Variants in PKD1L3 observed in about 807,000 individuals in gnomAD.
PKD1L3 encodes polycystin 1 like 3, transient receptor potential channel interacting.
Under a neutral mutation model 184.1 loss-of-function variants are expected in PKD1L3, and 239 were observed. The ratio of observed to expected loss-of-function variants is 1.30; its 90% confidence interval spans 1.17 to 1.45. PKD1L3 has a LOEUF of 1.45. Ranked by LOEUF, PKD1L3 falls within the 40% of genes most tolerant of loss-of-function variation. PKD1L3 has a pLI of 0.00. For missense variants in PKD1L3, 2,660 were observed against 2,067.2 expected (o/e 1.29, Z -5.56); for synonymous variants, 996 against 778.8 (o/e 1.28, Z -4.64).
Position 71,944,038 on chromosome 16 carries a change from T to C in PKD1L3, c.3851A>G (p.Asp1284Gly). Residue 1284 changes from aspartate to glycine, a missense_variant, in exon 23 of 30, where the codon GAT becomes GGT. Physicochemically the swap from Asp to Gly is moderately conservative, Grantham distance 94. Transcript: ENST00000620267. ...KKKKLFKLTG[D>G]ILVQILFLTL... is the part of the protein sequence containing the mutation. ...CCATTTCCTCTCCATACCCAAAATA[T>C]CTCCAGTCAGCTTGAAGAGTTTCTT... The C allele has an allele frequency of 6.4e-7, 1 of 1,551,420 alleles. No homozygotes were observed. Among genetic ancestry groups the C allele is most frequent in the Non-Finnish European group, 8.7e-7 (1 of 1,146,940 alleles).
intron 15 of PKD1L3, among the ~76,000 whole-genome samples, chr16:71,965,969 C>CT (rs1314868612): frequency 6.6e-6 from 1 of 151,934 alleles, no homozygotes; most frequent in Non-Finnish European, 1.5e-5. Context: ...ACATTATTCA[C>CT]TTTTTTAAAT....
At chr16:71,950,734 TCTC>T (rs1422258916) in intron 19 of PKD1L3, among the ~76,000 whole-genome samples, 1 of 75,174 alleles carries the variant, frequency 1.3e-5, no homozygotes, top group Non-Finnish European at 2.4e-5. Flanking sequence ...TTTGTATTTC[TCTC>T]TTTTTTTTTT....
chr16:71,988,016 C>T (rs895720120), intron 4 of PKD1L3, among the ~76,000 whole-genome samples: 1 of 152,002 alleles, frequency 6.6e-6, no homozygotes, highest in African/African-American at 2.4e-5. Flanking sequence ...GAAGGGAATG[C>T]AGATGTTATT....
In PKD1L3 at chr16:71,999,806, A is replaced by G; in HGVS notation, c.173T>C (p.Leu58Pro). 15 of 1,551,760 alleles carry G rather than the reference A, an allele frequency of 9.7e-6. No homozygotes were observed. Among genetic ancestry groups the G allele is most frequent in the Non-Finnish European group, 1.3e-5 (15 of 1,146,998 alleles). ...QHYCHVQRGF[L>P]AHIWNKEVQD... ...AACTTCCTTGTTCCAAATATGAGCT[A>G]GGAATCCTCTCTGCACATGACAGTA... Residue 58 changes from leucine to proline, a missense_variant, in exon 1 of 30, where the codon CTA becomes CCA. Coordinates refer to ENST00000620267, the MANE Select transcript of PKD1L3 (RefSeq NM_181536.2).
chr16:71,992,482 C>T (rs538496091), intron 3 of PKD1L3, among the ~76,000 whole-genome samples: 382 of 152,314 alleles, frequency 2.5e-3, no homozygotes, highest in African/African-American at 8.8e-3. Context: ...GTGTCTTTAA[C>T]ATCATTGCAT....
intron 5 of PKD1L3, among the ~76,000 whole-genome samples, chr16:71,985,457 C>A (rs2143790730): frequency 6.6e-6 from 1 of 152,222 alleles, no homozygotes; most frequent in East Asian, 1.9e-4. Context: ...TGTTCTGTTG[C>A]CCAGCCTACA....
chr16:71,968,062 T>C, intron 13 of PKD1L3, 55 bp from the exon 14 acceptor site: 1 of 1,406,392 alleles, frequency 7.1e-7, no homozygotes, highest in South Asian at 1.3e-5. Flanking sequence ...GTATAGTTCC[T>C]GCCTCCTCCA....
chr16:71,959,522 C>T (rs1036121266), intron 16 of PKD1L3, among the ~76,000 whole-genome samples: 5 of 152,122 alleles, frequency 3.3e-5, no homozygotes, highest in African/African-American at 1.2e-4. Context: ...AAAGGAAAAA[C>T]CTTTTTTGTG....
intron 24 of PKD1L3, among the ~76,000 whole-genome samples, chr16:71,938,202 C>T (rs1033399926): frequency 2.6e-5 from 4 of 152,268 alleles, no homozygotes; most frequent in Non-Finnish European, 5.9e-5. Context: ...TCTCCCCACT[C>T]CCAGCACCTG....
At chr16:71,943,551 A>C (rs1033790604) in intron 23 of PKD1L3, among the ~76,000 whole-genome samples, 26 of 151,782 alleles carry the variant, frequency 1.7e-4, no homozygotes, top group Middle Eastern at 3.4e-3. Context: ...AAAAAAAAAA[A>C]AAAAAAACAT....
chr16:71,950,607 A>G (rs2038791396), intron 19 of PKD1L3, among the ~76,000 whole-genome samples: 1 of 152,182 alleles, frequency 6.6e-6, no homozygotes. Flanking sequence ...CTCAAACAGT[A>G]TTTGAGAATC....
At chr16:71,979,506 C>A (rs1232082346) in intron 9 of PKD1L3, among the ~76,000 whole-genome samples, 3 of 151,912 alleles carry the variant, frequency 2.0e-5, no homozygotes, top group Admixed American at 6.6e-5. Context: ...AAACAAAAAA[C>A]ACAACAACAA....
intron 2 of PKD1L3, among the ~76,000 whole-genome samples, chr16:71,994,522 T>C (rs570617916): frequency 1.3e-5 from 2 of 152,216 alleles, no homozygotes; most frequent in South Asian, 4.2e-4. Flanking sequence ...TCAGATTAAG[T>C]ACATCATTCC....
chr16:71,970,474 T>A (rs2039669984), intron 12 of PKD1L3, among the ~76,000 whole-genome samples: 2 of 152,194 alleles, frequency 1.3e-5, no homozygotes, highest in Non-Finnish European at 2.9e-5. Context: ...AGTACATAAG[T>A]AAGCAGAGGC....
At chr16:71,992,334 G>A (rs182901086) in intron 3 of PKD1L3, among the ~76,000 whole-genome samples, 3 of 152,166 alleles carry the variant, frequency 2.0e-5, no homozygotes, top group African/African-American at 7.2e-5. Flanking sequence ...AAGGATATAG[G>A]TGAAATAGTC....
chr16:71,978,127 G>T (rs1335633251), intron 10 of PKD1L3, 128 bp downstream of exon 10: 1 of 1,143,586 alleles, frequency 8.7e-7, no homozygotes, highest in Non-Finnish European at 1.2e-6. Context: ...AAGTTCCTAA[G>T]ATGTTAATAA....
intron 15 of PKD1L3, among the ~76,000 whole-genome samples, chr16:71,966,447 C>G (rs1028478976): frequency 6.7e-6 from 1 of 150,214 alleles, no homozygotes; most frequent in Non-Finnish European, 1.5e-5. Flanking sequence ...TCCTTCCCTC[C>G]GAGACAGGGT....
intron 2 of PKD1L3, among the ~76,000 whole-genome samples, chr16:71,993,648 G>C (rs915120112): frequency 3.9e-5 from 6 of 152,158 alleles, no homozygotes; most frequent in Non-Finnish European, 7.4e-5. Context: ...GTCATCGCCA[G>C]GGTCTGATTT....
chr16:71,973,470 T>A lies in PKD1L3; in HGVS notation c.1807A>T (p.Ile603Phe), dbSNP rs1435487061. The A allele has an allele frequency of 1.3e-6, 2 of 1,551,860 alleles. No homozygotes were observed. Among genetic ancestry groups the A allele is most frequent in the East Asian group, 2.4e-5 (1 of 40,928 alleles). The change falls in exon 12 of 30, where the codon ATT (isoleucine) becomes TTT (phenylalanine). Residue 603 changes from isoleucine to phenylalanine, a missense_variant. By Grantham distance (21) the Ile-to-Phe change is conservative. Coordinates refer to ENST00000620267, the MANE Select transcript of PKD1L3 (RefSeq NM_181536.2). ...ACAGCTGTTATATAGTAGGTGCCAA[T>A]CCCGTGCTGCAGATGCTCTGGATTC... ...VLNPEHLQHG[I>F]GTYYITAVLS...
Sources: allele counts gnomAD v4.1 joint callset (sites outside exome capture counted in the v4.1 genomes callset), GRCh38; gene constraint gnomAD v4.1.1; transcripts MANE v1.5; gene names NCBI Gene and HGNC (gene_info 2026-07-23, HGNC 2026-07-21).